TINAGL1: variants seen among roughly 807,000 people sequenced by gnomAD.
TINAGL1 encodes the protein tubulointerstitial nephritis antigen like 1.
In TINAGL1, 34 loss-of-function variants were observed where a neutral mutation model predicts 62.0. The observed-to-expected ratio is 0.55, with a 90% CI of 0.42 to 0.73. TINAGL1 has a LOEUF of 0.73. Ranked by LOEUF, TINAGL1 falls within the 30% of genes least tolerant of loss-of-function variation. The pLI, the probability that TINAGL1 is intolerant of heterozygous loss-of-function variation, is 0.00. For missense variants in TINAGL1, 516 were observed against 653.2 expected (o/e 0.79, Z 2.29); for synonymous variants, 221 against 249.7 (o/e 0.88, Z 1.08).
At position 31,587,193 on chromosome 1, in the gene TINAGL1, G is replaced by A. The variant is rs1395604044; in HGVS notation, c.*214G>A. 3 of 629,308 alleles carry A rather than the reference G, an allele frequency of 4.8e-6. No homozygotes were observed. Among genetic ancestry groups the A allele is most frequent in the Non-Finnish European group, 6.9e-6 (3 of 433,240 alleles). The allele number at this position is 629,308 out of a possible 1,614,324, so 39.0% of individuals were successfully genotyped here. A position where few individuals can be genotyped will look rare whatever the true frequency, so the allele number is the denominator to read the frequency against. The stretch of plus-strand genomic sequence containing the variant: ...GCGGAGCCCCCAGACCTCCCAGTGG[G>A]GACGGGGCAGGGCCTGGCCTGGGAA... On this transcript the variant is annotated 3_prime_UTR_variant, in exon 12 of 12. Transcript: ENST00000271064.
chr1:31,586,275 C>G (rs1337535862), intron 10 of TINAGL1: 1 of 312,962 alleles, frequency 3.2e-6, no homozygotes. Context: ...CTTCAATGAA[C>G]TCGGTGAAAT....
chr1:31,586,487 G>A, intron 10 of TINAGL1: 1 of 611,998 alleles, frequency 1.6e-6, no homozygotes, highest in Non-Finnish European at 2.9e-6. Flanking sequence ...GCCTCCACTT[G>A]TCCCCTTGGT....
intron 10 of TINAGL1, 98 bp from the exon 11 acceptor site, chr1:31,586,612 A>T: frequency 6.9e-7 from 1 of 1,454,738 alleles, no homozygotes; most frequent in South Asian, 1.2e-5. Context: ...CCAACCCTCC[A>T]AAGGCAACTG....
rs568063910 is a variant in TINAGL1 at position 31,584,569 on chromosome 1, G to T, written c.583-109G>T. 4 of 1,556,030 alleles carry T rather than the reference G, an allele frequency of 2.6e-6. No individual in the cohort carries two copies. Among genetic ancestry groups the T allele is most frequent in the East Asian group, 2.3e-5 (1 of 44,278 alleles). On this transcript the variant is annotated intron_variant, in intron 5 of 11. Transcript: ENST00000271064. The surrounding 1 kb of genome is among the most constrained non-coding windows in gnomAD (Gnocchi z 4.0). ...ATCCTGCAGCAGCAGGAGGGCTCAA[G>T]ATTAAACTGCAGAAGGCCCTGGACT...
rs554728943 is a variant in TINAGL1 at position 31,584,614 on chromosome 1, A to G, written c.583-64A>G. ...TGGACTTGGTGGCCCTCCAGTGCCA[A>G]TGGGCACCTGAGGGGCAGGCCAGGG... On this transcript the variant is annotated intron_variant, in intron 5 of 11. Transcript: ENST00000271064. The surrounding 1 kb of genome is among the most constrained non-coding windows in gnomAD (Gnocchi z 4.0). 3 of 1,608,656 alleles carry G rather than the reference A, an allele frequency of 1.9e-6. No homozygotes were observed. Among genetic ancestry groups the G allele is most frequent in the South Asian group, 1.1e-5 (1 of 90,766 alleles).
At position 31,583,374 on chromosome 1, in the gene TINAGL1, T is replaced by C. The variant is rs1462831655; in HGVS notation, c.468-87T>C. ...TTTGACTGTGTGTGCGCTCAGCCAC[T>C]GTGCGTCTCTCCCACCCACATGCAC... On this transcript the variant is annotated intron_variant, in intron 4 of 11. Coordinates refer to ENST00000271064, the MANE Select transcript of TINAGL1 (RefSeq NM_022164.3). This position sits in a 1 kb window ranked among gnomAD's most constrained non-coding sequence, Gnocchi z 4.4. The C allele has an allele frequency of 2.9e-5, 43 of 1,473,846 alleles. No individual in the cohort carries two copies. Among genetic ancestry groups the C allele is most frequent in the Non-Finnish European group, 2.7e-5 (29 of 1,066,714 alleles). 91.3% of individuals were successfully genotyped at this position (1,473,846 alleles called of 1,614,324 possible).
rs139990622 is a variant in TINAGL1, at chr1:31,577,025, G to A, written c.-15-109G>A. The A allele has an allele frequency of 2.6e-5, 27 of 1,022,022 alleles. No individual in the cohort carries two copies. In the East Asian group the frequency reaches 3.2e-4, roughly 12 times the overall value. 63.3% of individuals were successfully genotyped at this position (1,022,022 alleles called of 1,614,324 possible). A position where few individuals can be genotyped will look rare whatever the true frequency, so the allele number is the denominator to read the frequency against. On this transcript the variant is annotated intron_variant, in intron 1 of 11. Coordinates refer to ENST00000271064, the MANE Select transcript of TINAGL1 (RefSeq NM_022164.3). This position sits in a 1 kb window ranked among gnomAD's most constrained non-coding sequence, Gnocchi z 5.4. Reference sequence around the variant, plus strand: ...TGTCCTGCCTGGGGACTCAGGAATCGGGATCTCCCTCCCTGCTGGGCCCTC... The same window carrying A: ...TGTCCTGCCTGGGGACTCAGGAATCAGGATCTCCCTCCCTGCTGGGCCCTC...
intron 10 of TINAGL1, 72 bp from the exon 11 acceptor site, chr1:31,586,638 A>T: frequency 6.5e-7 from 1 of 1,540,864 alleles, no homozygotes; most frequent in Non-Finnish European, 8.8e-7. Context: ...TGGATGGGGC[A>T]GGTTTCCGGG....
At chr1:31,586,319 T>C in intron 10 of TINAGL1, 1 of 382,444 alleles carries the variant, frequency 2.6e-6, no homozygotes, top group South Asian at 3.3e-5. Flanking sequence ...GTCTCTAAGA[T>C]ACCCATATTC....
In TINAGL1 at chr1:31,584,547, C is replaced by G; in HGVS notation, c.583-131C>G. 6.9e-7 allele frequency: 1 copy of G among 1,442,540 alleles called. No individual in the cohort carries two copies. The allele number at this position is 1,442,540 out of a possible 1,614,324, so 89.4% of individuals were successfully genotyped here. On this transcript the variant is annotated intron_variant, in intron 5 of 11. Coordinates refer to ENST00000271064, the MANE Select transcript of TINAGL1 (RefSeq NM_022164.3). This position sits in a 1 kb window ranked among gnomAD's most constrained non-coding sequence, Gnocchi z 4.0. ...GTCAAAATTGGAGGCAGCTGGAATC[C>G]TGCAGCAGCAGGAGGGCTCAAGATT... is the stretch of plus-strand genomic sequence containing the variant.
At chr1:31,578,495 G>GGTGTGT (rs1639079464) in intron 2 of TINAGL1, among the ~76,000 whole-genome samples, 2 of 114,804 alleles carry the variant, frequency 1.7e-5, no homozygotes, top group Non-Finnish European at 3.6e-5. Context: ...AGTGAGAGCT[G>GGTGTGT]GTATGTGTGT....
At chr1:31,579,491 C>T (rs1245499260) in intron 3 of TINAGL1, among the ~76,000 whole-genome samples, 3 of 152,200 alleles carry the variant, frequency 2.0e-5, no homozygotes, top group Non-Finnish European at 4.4e-5. Flanking sequence ...GTGCCTGGCC[C>T]AGGGGTCACC....
chr1:31,586,514 T>C, intron 10 of TINAGL1, 196 bp from the exon 11 acceptor site: 1 of 646,282 alleles, frequency 1.5e-6, no homozygotes, highest in South Asian at 1.8e-5. Flanking sequence ...CCCCCTCCCA[T>C]GCTGGGCCTG....
At position 31,583,858 on chromosome 1, in the gene TINAGL1, G is replaced by A; in HGVS notation, c.582+283G>A. ...ATGCTGTTGGTCTCAGTACAGCTGG[G>A]TTAGGGCCCAAGGGGACAGGGGGTC... On this transcript the variant is annotated intron_variant, in intron 5 of 11. Transcript: ENST00000271064. The surrounding 1 kb of genome is among the most constrained non-coding windows in gnomAD (Gnocchi z 4.4). 4.9e-6 allele frequency: 2 copies of A among 405,404 alleles called. No individual in the cohort carries two copies. The highest frequency in any genetic ancestry group is 7.1e-4 in the Middle Eastern group (1 of 1,416). The allele number at this position is 405,404 out of a possible 1,614,324, so 25.1% of individuals were successfully genotyped here. A position where few individuals can be genotyped will look rare whatever the true frequency, so the allele number is the denominator to read the frequency against.
intron 10 of TINAGL1, 114 bp from the exon 11 acceptor site, chr1:31,586,596 G>A (rs1377537617): frequency 1.2e-5 from 15 of 1,224,086 alleles, no homozygotes; most frequent in South Asian, 1.2e-4. Flanking sequence ...AGCCCTAAGG[G>A]TGTACCCAAC....
chr1:31,586,925 C>T lies in TINAGL1; in HGVS notation c.1350C>T (p.Ser450=). ...VRGVNECDIE[S]FVLGVWGRVG... ...GCGTCAATGAGTGCGACATCGAGAG[C>T]TTCGTGCTGGGCGTCTGGGGCCGCG... The change falls in exon 12 of 12, where the codon AGC becomes AGT. Residue 450 remains serine, a synonymous_variant. Transcript: ENST00000271064. The T allele has an allele frequency of 1.3e-6, 2 of 1,539,764 alleles. No homozygotes were observed. The highest frequency in any genetic ancestry group is 1.7e-6 in the Non-Finnish European group (2 of 1,146,250).
At chr1:31,580,211 CTGTCTCTCTCTCTCTG>C in intron 3 of TINAGL1, 3 of 567,744 alleles carry the variant, frequency 5.3e-6, no homozygotes, top group South Asian at 4.2e-5. Context: ...CTCTCTCTCT[CTGTCTCTCTCTCTCTG>C]TCTCTCTCTG....
At position 31,586,980 on chromosome 1, in the gene TINAGL1, G is replaced by A. The variant is rs775768369; in HGVS notation, c.*1G>A. 6.7e-7 allele frequency: 1 copy of A among 1,486,612 alleles called. No individual in the cohort carries two copies. Among genetic ancestry groups the A allele is most frequent in the Non-Finnish European group, 8.9e-7 (1 of 1,121,976 alleles). 92.1% of individuals were successfully genotyped at this position (1,486,612 alleles called of 1,614,324 possible). On this transcript the variant is annotated 3_prime_UTR_variant, in exon 12 of 12. Coordinates refer to ENST00000271064, the MANE Select transcript of TINAGL1 (RefSeq NM_022164.3). ...CATGGAGGACATGGGTCATCACTGA[G>A]GCTGCGGGCACCACGCGGGGTCCGG...
chr1:31,578,432 C>CT (rs1639073640), intron 2 of TINAGL1, among the ~76,000 whole-genome samples: 1 of 88,380 alleles, frequency 1.1e-5, no homozygotes, highest in Admixed American at 1.3e-4. Context: ...TTAGTGACAG[C>CT]TGGTGTGTGT....
Sources: allele counts gnomAD v4.1 joint callset (sites outside exome capture counted in the v4.1 genomes callset), GRCh38; gene constraint gnomAD v4.1.1; non-coding constraint Gnocchi (gnomAD v3.1); transcripts MANE v1.5; gene names NCBI Gene and HGNC (gene_info 2026-07-23, HGNC 2026-07-21).